Variants in METTL24 observed in about 807,000 individuals in gnomAD.
METTL24 encodes the protein probable methyltransferase-like protein 24.
METTL24 carries 29 observed loss-of-function variants against 32.7 expected under a neutral mutation model. The observed-to-expected ratio is 0.89, with a 90% CI of 0.66 to 1.21. METTL24 has a LOEUF of 1.21. Ranked by LOEUF, METTL24 falls within the 50% of genes most tolerant of loss-of-function variation. The probability of loss-of-function intolerance (pLI) is 0.00; values close to 1 mark genes in which losing one functional copy is unlikely to be tolerated. For synonymous variants in METTL24, 163 were observed against 179.5 expected (o/e 0.91, Z 0.73); for missense variants, 439 against 468.1 (o/e 0.94, Z 0.57).
intron 4 of METTL24, among the ~76,000 whole-genome samples, chr6:110,296,283 G>A (rs769963872): frequency 7.2e-5 from 11 of 152,196 alleles, no homozygotes; most frequent in Non-Finnish European, 1.5e-4. Flanking sequence ...TGATTAATAT[G>A]AGCAGAAACT....
intron 1 of METTL24, among the ~76,000 whole-genome samples, chr6:110,336,750 A>C (rs1026875063): frequency 2.0e-5 from 3 of 151,972 alleles, no homozygotes; most frequent in Admixed American, 1.3e-4. Flanking sequence ...AAAAAAAAAA[A>C]AAAAAACAAA....
At position 110,307,856 on chromosome 6, in the gene METTL24, C is replaced by T. The variant is rs180739863; in HGVS notation, c.557+7486G>A. Among the ~76,000 whole-genome samples the T allele has an allele frequency of 3.3e-5, 5 of 152,310 alleles. No homozygotes were observed. The East Asian group carries it at 7.7e-4, about 24-fold the overall frequency. On this transcript the variant is annotated intron_variant, in intron 3 of 4. Coordinates refer to ENST00000338882, the MANE Select transcript of METTL24 (RefSeq NM_001123364.3). Reference sequence around the variant, plus strand: ...AATTAAGACAGCAACCTCTCCCTCTCTATGAGGAAGAAACAAAATTATGTA... The same window carrying T: ...AATTAAGACAGCAACCTCTCCCTCTTTATGAGGAAGAAACAAAATTATGTA...
At chr6:110,347,755 G>A (rs1221016497) in intron 1 of METTL24, among the ~76,000 whole-genome samples, 1 of 152,040 alleles carries the variant, frequency 6.6e-6, no homozygotes, top group East Asian at 1.9e-4. Context: ...CAAAATCATT[G>A]AACAGCATGT....
intron 4 of METTL24, among the ~76,000 whole-genome samples, chr6:110,283,792 A>T (rs1173219985): frequency 1.3e-5 from 2 of 152,194 alleles, no homozygotes; most frequent in Admixed American, 1.3e-4. Flanking sequence ...TTAAAAATAG[A>T]ATCACCATGT....
chr6:110,257,121 T>C (rs1228768343), intron 4 of METTL24, among the ~76,000 whole-genome samples: 1 of 152,198 alleles, frequency 6.6e-6, no homozygotes, highest in Non-Finnish European at 1.5e-5. Flanking sequence ...GACTTGGAAA[T>C]AGATACAAAT....
At chr6:110,336,177 G>A (rs968031652) in intron 1 of METTL24, among the ~76,000 whole-genome samples, 1 of 152,186 alleles carries the variant, frequency 6.6e-6, no homozygotes, top group African/African-American at 2.4e-5. Context: ...AATGTGTCAC[G>A]GGAAAGGATT....
chr6:110,280,662 C>CT (rs1231581487), intron 4 of METTL24, among the ~76,000 whole-genome samples: 55 of 135,920 alleles, frequency 4.0e-4, no homozygotes, highest in African/African-American at 8.9e-4. Flanking sequence ...TTTTTTTTTT[C>CT]TTTTTTTTTG....
At chr6:110,246,571 G>A (rs533221482) in intron 4 of METTL24, among the ~76,000 whole-genome samples, 7 of 152,296 alleles carry the variant, frequency 4.6e-5, no homozygotes, top group African/African-American at 1.7e-4. Flanking sequence ...GCGTGAGCCT[G>A]TTATGTTAAT....
chr6:110,349,229 T>C (rs1010794711), intron 1 of METTL24, among the ~76,000 whole-genome samples: 8 of 152,218 alleles, frequency 5.3e-5, no homozygotes, highest in South Asian at 2.1e-4. Flanking sequence ...CCCTCTAGCA[T>C]TGGGTGGGAC....
intron 3 of METTL24, among the ~76,000 whole-genome samples, chr6:110,302,534 C>T (rs1562230871): frequency 8.8e-6 from 1 of 113,002 alleles, no homozygotes; most frequent in Non-Finnish European, 1.7e-5. Context: ...TGTATATATA[C>T]ACATATACAC....
chr6:110,269,948 C>T (rs144098569), intron 4 of METTL24, among the ~76,000 whole-genome samples: 3,375 of 152,160 alleles, frequency 0.022, 151 homozygotes, highest in African/African-American at 0.076. Context: ...CTCAGTCCCA[C>T]AACAGAGAAA....
At chr6:110,266,169 T>A (rs1770854711) in intron 4 of METTL24, among the ~76,000 whole-genome samples, 1 of 151,938 alleles carries the variant, frequency 6.6e-6, no homozygotes, top group Admixed American at 6.6e-5. Context: ...ACTCCCAAAA[T>A]GCTGCAATTA....
chr6:110,253,158 C>A lies in METTL24; in HGVS notation c.787-6898G>T, dbSNP rs544192345. Reference sequence around the variant, plus strand: ...GGAAAGGTGTCTGACTGCCCCGAGGCGGTACTGCTATGAGAAAATCCAAAC... The same window carrying A: ...GGAAAGGTGTCTGACTGCCCCGAGGAGGTACTGCTATGAGAAAATCCAAAC... On this transcript the variant is annotated intron_variant, in intron 4 of 4. Transcript: ENST00000338882. Among the ~76,000 whole-genome samples, 5 of 152,104 alleles carry A rather than the reference C, an allele frequency of 3.3e-5. No homozygotes were observed. In the East Asian group the frequency reaches 5.8e-4, roughly 18 times the overall value.
intron 4 of METTL24, chr6:110,253,818 T>A: frequency 8.2e-7 from 1 of 1,214,484 alleles, no homozygotes; most frequent in Non-Finnish European, 1.1e-6. Context: ...ATCTGCTTTT[T>A]AACATAACAG....
chr6:110,324,599 T>C (rs1469973551), intron 1 of METTL24, among the ~76,000 whole-genome samples: 1 of 152,258 alleles, frequency 6.6e-6, no homozygotes, highest in Admixed American at 6.5e-5. Context: ...TTTCATTTTA[T>C]ACTGGGCCCA....
At chr6:110,355,297 G>C (rs546388511) in intron 1 of METTL24, among the ~76,000 whole-genome samples, 1 of 152,160 alleles carries the variant, frequency 6.6e-6, no homozygotes, top group Admixed American at 6.5e-5. Context: ...ATAAGAAAGG[G>C]GGATGGGGCC....
intron 1 of METTL24, among the ~76,000 whole-genome samples, chr6:110,348,077 A>G (rs1398352981): frequency 6.6e-6 from 1 of 152,230 alleles, no homozygotes; most frequent in Non-Finnish European, 1.5e-5. Context: ...TGGTACTTAC[A>G]GGCCAGTGCC....
At position 110,321,118 on chromosome 6, in the gene METTL24, T is replaced by A. The variant is rs553343519; in HGVS notation, c.417+1656A>T. On this transcript the variant is annotated intron_variant, in intron 2 of 4. Coordinates refer to ENST00000338882, the MANE Select transcript of METTL24 (RefSeq NM_001123364.3). Reference sequence around the variant, plus strand: ...CGGGCATGGTGACAGGCTCCTGTAATCCCAGCTACTCGGGAGGCTGAGGCA... The same window carrying A: ...CGGGCATGGTGACAGGCTCCTGTAAACCCAGCTACTCGGGAGGCTGAGGCA... Among the ~76,000 whole-genome samples the A allele has an allele frequency of 2.0e-5, 3 of 152,176 alleles. No individual in the cohort carries two copies. The South Asian group carries it at 6.2e-4, about 32-fold the overall frequency.
chr6:110,328,908 C>T (rs897852515), intron 1 of METTL24, among the ~76,000 whole-genome samples: 5 of 152,158 alleles, frequency 3.3e-5, no homozygotes, highest in Admixed American at 1.3e-4. Context: ...TCCTCACACC[C>T]ATGAATGACC....
Sources: gnomAD v4.1 joint callset for allele counts (sites outside exome capture counted in the v4.1 genomes callset) on GRCh38, gnomAD v4.1.1 for gene constraint, MANE v1.5 for transcripts, NCBI Gene and HGNC (gene_info 2026-07-23, HGNC 2026-07-21) for gene names.